Variants in GALK2 observed in about 807,000 individuals in gnomAD.
The protein encoded by GALK2 is galactokinase 2, also known as N-acetylgalactosamine kinase.
A neutral mutation model predicts 52.4 loss-of-function variants in GALK2; 36 were observed. That is an observed-to-expected ratio of 0.69 (90% CI 0.53 to 0.91). The LOEUF (loss-of-function observed/expected upper bound fraction) is 0.91, where lower values mean the gene tolerates loss of function less well. Among genes scored for constraint, GALK2 ranks in the 40% least tolerant of loss-of-function variants. GALK2 has a pLI of 0.00. For missense variants in GALK2, 579 were observed against 559.1 expected (o/e 1.04, Z -0.36); for synonymous variants, 176 against 199.1 (o/e 0.88, Z 0.98).
chr15:49,333,534 C>T (rs1596237259), downstream of GALK2, among the ~76,000 whole-genome samples: 4 of 152,262 alleles, frequency 2.6e-5, no homozygotes, highest in South Asian at 6.2e-4. Flanking sequence ...GGAATGGAAC[C>T]TTGTAACAGG....
chr15:49,275,145 C>T (rs535686639), intron 5 of GALK2, among the ~76,000 whole-genome samples: 6 of 152,262 alleles, frequency 3.9e-5, no homozygotes, highest in African/African-American at 1.4e-4. Flanking sequence ...ATCAACATCA[C>T]CACAAATGTA....
intron 3 of GALK2, among the ~76,000 whole-genome samples, chr15:49,221,388 G>A (rs559224580): frequency 4.6e-5 from 7 of 152,164 alleles, no homozygotes; most frequent in Non-Finnish European, 8.8e-5. Context: ...TTTGCTGGCC[G>A]AGCGTGGTGG....
At position 49,328,035 on chromosome 15, in the gene GALK2, C is replaced by A. The variant is rs150920378; in HGVS notation, c.1253C>A (p.Pro418His). 1.9e-6 allele frequency: 3 copies of A among 1,613,858 alleles called. No individual in the cohort carries two copies. In the African/African-American group the frequency reaches 4.0e-5, roughly 22 times the overall value. Residue 418 changes from proline (P) to histidine (H), a missense_variant, in exon 10 of 10, where the codon CCC (proline) becomes CAC (histidine). Transcript: ENST00000560031. ...TVSMVPADKL[P>H]SFLANVHKAY... ...TCAATGGTACCTGCGGACAAGCTGC[C>A]CAGCTTTCTAGCAAATGTGCACAAA...
chr15:49,213,216 T>C (rs1193593214), intron 2 of GALK2, among the ~76,000 whole-genome samples: 1 of 152,280 alleles, frequency 6.6e-6, no homozygotes, highest in Non-Finnish European at 1.5e-5. Flanking sequence ...ATCCTGTTGC[T>C]GAACTGACTC....
intron 1 of GALK2, chr15:49,156,718 A>G: frequency 3.8e-6 from 2 of 531,046 alleles, no homozygotes; most frequent in South Asian, 1.5e-5. Flanking sequence ...ATCCAGAAAC[A>G]TGAACTGCTG....
intron 3 of GALK2, among the ~76,000 whole-genome samples, chr15:49,218,462 C>G (rs931388123): frequency 1.3e-5 from 2 of 152,088 alleles, no homozygotes; most frequent in African/African-American, 2.4e-5. Flanking sequence ...GATCCTGAGA[C>G]AGACCTGGAT....
At position 49,217,212 on chromosome 15, in the gene GALK2, A is replaced by C. The variant is rs2089450677; in HGVS notation, c.165A>C (p.Gly55=). The C allele has an allele frequency of 1.2e-6, 2 of 1,611,256 alleles. No homozygotes were observed. The highest frequency in any genetic ancestry group is 1.3e-5 in the African/African-American group (1 of 74,852). ...NIIGEHIDYC[G]YSVLPMAVEQ... Reference sequence around the variant, plus strand: ...TAGGAGAGCATATAGATTATTGTGGATATTCTGTTCTTCCTATGGCTGTAG... The same window carrying C: ...TAGGAGAGCATATAGATTATTGTGGCTATTCTGTTCTTCCTATGGCTGTAG... The change falls in exon 3 of 10, where the codon GGA becomes GGC. Residue 55 remains glycine, a synonymous_variant. Transcript: ENST00000560031.
intron 9 of GALK2, among the ~76,000 whole-genome samples, chr15:49,324,809 G>A (rs935312151): frequency 2.0e-5 from 3 of 152,108 alleles, no homozygotes; most frequent in African/African-American, 4.8e-5. Context: ...TCGTAGTCCA[G>A]CAGCCATTTA....
chr15:49,235,683 C>G, intron 3 of GALK2, 168 bp from the exon 4 acceptor site: 1 of 746,472 alleles, frequency 1.3e-6, no homozygotes, highest in South Asian at 1.4e-5. Flanking sequence ...AACTTCCTCT[C>G]TTAACTCTTA....
chr15:49,239,709 C>T (rs1345008031), intron 5 of GALK2, among the ~76,000 whole-genome samples: 3 of 152,030 alleles, frequency 2.0e-5, no homozygotes, highest in African/African-American at 7.2e-5. Context: ...TCACCCAAAA[C>T]CTTAAATTAA....
At chr15:49,362,629 G>T (rs1026370006) in intron 3 of GALK2, among the ~76,000 whole-genome samples, 1 of 152,106 alleles carries the variant, frequency 6.6e-6, no homozygotes. Context: ...AGTTTAATTA[G>T]GTTTCATCTG....
At chr15:49,163,513 G>C (rs142017133) in intron 1 of GALK2, among the ~76,000 whole-genome samples, 23 of 152,260 alleles carry the variant, frequency 1.5e-4, no homozygotes, top group African/African-American at 5.5e-4. Context: ...TGTATAGTGT[G>C]AATGAATGTG....
chr15:49,327,370 C>T (rs1293955973), intron 9 of GALK2: 1 of 152,200 alleles, frequency 6.6e-6, no homozygotes, highest in Non-Finnish European at 1.5e-5. Flanking sequence ...ACCGACCCAA[C>T]CTGGAGTTTA....
chr15:49,302,433 G>A (rs1177047137), intron 8 of GALK2, among the ~76,000 whole-genome samples: 2 of 152,136 alleles, frequency 1.3e-5, no homozygotes, highest in Non-Finnish European at 2.9e-5. Flanking sequence ...TGCATAAGCT[G>A]TTGTGTTCTA....
In GALK2 at chr15:49,307,360, C is replaced by A. The variant is rs550751655; in HGVS notation, c.968-12244C>A. The stretch of plus-strand genomic sequence containing the variant: ...TCATTTGTTGGGCAATGGAAAAATA[C>A]GCTAGATTTCGATGCAATGAAATAT... On this transcript the variant is annotated intron_variant, in intron 8 of 9. Coordinates refer to ENST00000560031, the MANE Select transcript of GALK2 (RefSeq NM_002044.4). Among the ~76,000 whole-genome samples, 8 of 152,190 alleles carry A rather than the reference C, an allele frequency of 5.3e-5. No individual in the cohort carries two copies. In the South Asian group the frequency reaches 1.7e-3, roughly 32 times the overall value.
chr15:49,348,791 T>C (rs954165956), intron 3 of GALK2, among the ~76,000 whole-genome samples: 1 of 152,190 alleles, frequency 6.6e-6, no homozygotes, highest in Admixed American at 6.5e-5. Flanking sequence ...TGACCAACAA[T>C]ATTTATAGCA....
intron 1 of GALK2, among the ~76,000 whole-genome samples, chr15:49,186,736 A>G (rs2086376131): frequency 6.6e-6 from 1 of 151,952 alleles, no homozygotes; most frequent in Non-Finnish European, 1.5e-5. Context: ...ACAGGGTTTC[A>G]CCATGTTGGC....
intron 3 of GALK2, among the ~76,000 whole-genome samples, chr15:49,229,818 C>T (rs1468175265): frequency 1.3e-5 from 2 of 152,046 alleles, no homozygotes; most frequent in Non-Finnish European, 2.9e-5. Flanking sequence ...GGAGCATGCA[C>T]TTTGGCTCCA....
At chr15:49,325,987 A>G (rs929175846) in intron 9 of GALK2, among the ~76,000 whole-genome samples, 3 of 152,198 alleles carry the variant, frequency 2.0e-5, no homozygotes, top group Non-Finnish European at 4.4e-5. Context: ...ACAGCTTTCA[A>G]AAACTGTTCA....
Sources: gnomAD v4.1 joint callset for allele counts (sites outside exome capture counted in the v4.1 genomes callset) on GRCh38, gnomAD v4.1.1 for gene constraint, MANE v1.5 for transcripts, NCBI Gene and HGNC (gene_info 2026-07-23, HGNC 2026-07-21) for gene names.